KCNIP4: variants seen among roughly 807,000 people sequenced by gnomAD.
KCNIP4 encodes the protein Kv channel-interacting protein 4.
A neutral mutation model predicts 34.0 loss-of-function variants in KCNIP4; 12 were observed. That is an observed-to-expected ratio of 0.35 (90% confidence interval 0.23 to 0.57). The LOEUF (loss-of-function observed/expected upper bound fraction) is 0.57, where lower values mean the gene tolerates loss of function less well. Ranked by LOEUF, KCNIP4 falls within the 20% of genes least tolerant of loss-of-function variation. The probability of loss-of-function intolerance (pLI) is 0.83; values close to 1 mark genes in which losing one functional copy is unlikely to be tolerated. For missense variants in KCNIP4, 238 were observed against 311.7 expected (o/e 0.76, Z 1.78); for synonymous variants, 124 against 102.2 (o/e 1.21, Z -1.29).
intron 1 of KCNIP4, among the ~76,000 whole-genome samples, chr4:21,483,256 A>C (rs1375578242): frequency 4.6e-5 from 7 of 151,796 alleles, no homozygotes; most frequent in African/African-American, 1.7e-4. Context: ...AAGAAATAAA[A>C]GGTTGAACTT....
intron 1 of KCNIP4, among the ~76,000 whole-genome samples, chr4:20,948,500 G>A (rs1417167620): frequency 1.3e-5 from 2 of 152,196 alleles, no homozygotes; most frequent in African/African-American, 4.8e-5. Context: ...CCCACCACAT[G>A]TGGTTGGAGG....
chr4:20,805,327 C>A (rs1011488821), intron 3 of KCNIP4, among the ~76,000 whole-genome samples: 1 of 151,210 alleles, frequency 6.6e-6, no homozygotes, highest in Non-Finnish European at 1.5e-5. Flanking sequence ...TAAGCCACTG[C>A]ACCTTTCTGC....
At chr4:21,239,322 C>A (rs954687212) in intron 1 of KCNIP4, among the ~76,000 whole-genome samples, 13 of 148,698 alleles carry the variant, frequency 8.7e-5, no homozygotes, top group African/African-American at 3.2e-4. Flanking sequence ...TGGGCAAGGA[C>A]TTCATGTCTA....
chr4:21,479,190 A>G (rs1731227376), intron 1 of KCNIP4, among the ~76,000 whole-genome samples: 4 of 152,300 alleles, frequency 2.6e-5, no homozygotes, highest in Admixed American at 2.6e-4. Flanking sequence ...GCCAGAAGAC[A>G]CCTACTATCA....
chr4:20,733,793 G>A (rs1748934215), intron 6 of KCNIP4, among the ~76,000 whole-genome samples: 1 of 152,156 alleles, frequency 6.6e-6, no homozygotes, highest in African/African-American at 2.4e-5. Context: ...ACCCACTAGT[G>A]ATACCTATTC....
At chr4:20,861,765 C>G (rs772911097) in intron 2 of KCNIP4, among the ~76,000 whole-genome samples, 5 of 151,976 alleles carry the variant, frequency 3.3e-5, no homozygotes, top group Admixed American at 6.6e-5. Flanking sequence ...AATTCAATCA[C>G]TTATGAAATA....
Position 21,501,246 on chromosome 4 carries a change from T to TCA in KCNIP4, c.61+447324_61+447325insTG, listed in dbSNP as rs1309846168. Among the ~76,000 whole-genome samples the TCA allele has an allele frequency of 4.8e-3, 453 of 93,494 alleles. 2 individuals carry two copies. The highest frequency in any genetic ancestry group is 0.012 in the Admixed American group (96 of 8,086). 61.3% of individuals were successfully genotyped at this position (93,494 alleles called of 152,430 possible). A position where few individuals can be genotyped will look rare whatever the true frequency, so the allele number is the denominator to read the frequency against. ...CTTTCTCTCTCTCTCTCTCTCTCTC[T>TCA]CTCACACACACACACACACACACAC... On this transcript the variant is annotated intron_variant, in intron 1 of 8. Coordinates refer to ENST00000382152, the MANE Select transcript of KCNIP4 (RefSeq NM_025221.6).
At chr4:20,934,519 T>G (rs531100525) in intron 1 of KCNIP4, among the ~76,000 whole-genome samples, 1 of 152,322 alleles carries the variant, frequency 6.6e-6, no homozygotes, top group African/African-American at 2.4e-5. Flanking sequence ...TTTTTGGGCT[T>G]CCCTTATTTC....
chr4:21,669,984 C>T (rs191359532), intron 1 of KCNIP4, among the ~76,000 whole-genome samples: 158 of 152,170 alleles, frequency 1.0e-3, no homozygotes, highest in East Asian at 1.7e-3. Flanking sequence ...TTCATGACAA[C>T]CTTATTTTAA....
intron 1 of KCNIP4, among the ~76,000 whole-genome samples, chr4:21,586,660 AC>A (rs1741642799): frequency 2.0e-5 from 3 of 152,102 alleles, no homozygotes; most frequent in Non-Finnish European, 4.4e-5. Flanking sequence ...GAAAGAGCAA[AC>A]AAAACTGATA....
intron 1 of KCNIP4, among the ~76,000 whole-genome samples, chr4:21,947,828 G>A (rs183311757): frequency 6.6e-6 from 1 of 152,192 alleles, no homozygotes; most frequent in African/African-American, 2.4e-5. Flanking sequence ...ATAACAAATC[G>A]ATGCAACCCA....
At chr4:20,826,446 A>G (rs1010294732) in intron 3 of KCNIP4, among the ~76,000 whole-genome samples, 1 of 151,536 alleles carries the variant, frequency 6.6e-6, no homozygotes, top group Non-Finnish European at 1.5e-5. Context: ...TTAGCCAGAC[A>G]TGGTGGCACA....
At chr4:21,323,105 C>T (rs1168313269) in intron 1 of KCNIP4, among the ~76,000 whole-genome samples, 6 of 148,498 alleles carry the variant, frequency 4.0e-5, no homozygotes. Context: ...ATGTATGAGT[C>T]AATTATGGCC....
intron 1 of KCNIP4, among the ~76,000 whole-genome samples, chr4:21,601,340 C>A (rs1461903392): frequency 6.6e-6 from 1 of 152,002 alleles, no homozygotes; most frequent in Admixed American, 6.6e-5. Flanking sequence ...TTTACCCCAA[C>A]TAATCTCCAT....
chr4:20,781,461 G>T (rs770760166), intron 3 of KCNIP4, among the ~76,000 whole-genome samples: 10 of 152,236 alleles, frequency 6.6e-5, no homozygotes, highest in Middle Eastern at 3.4e-3. Flanking sequence ...CCCAAGACTG[G>T]GAAGAAAAAG....
intron 1 of KCNIP4, among the ~76,000 whole-genome samples, chr4:21,247,627 A>G (rs890777797): frequency 4.7e-4 from 67 of 143,824 alleles, no homozygotes; most frequent in Non-Finnish European, 9.5e-4. Flanking sequence ...ATATCTATAT[A>G]TTTAGATATA....
At chr4:21,177,237 G>A (rs3864185) in intron 1 of KCNIP4, among the ~76,000 whole-genome samples, 22,172 of 152,042 alleles carry the variant, frequency 0.15, 2,109 homozygotes, top group African/African-American at 0.27. Context: ...AAAGAGATTT[G>A]CTATATACTC....
chr4:21,000,273 G>A (rs1737996666), intron 1 of KCNIP4, among the ~76,000 whole-genome samples: 1 of 151,980 alleles, frequency 6.6e-6, no homozygotes, highest in South Asian at 2.1e-4. Context: ...AGTCGTCTCA[G>A]CCGCTGCCCT....
chr4:21,837,527 G>A (rs1419886933), intron 1 of KCNIP4, among the ~76,000 whole-genome samples: 3 of 19,990 alleles, frequency 1.5e-4, no homozygotes, highest in Non-Finnish European at 2.3e-4. Flanking sequence ...AGAGCAAAAC[G>A]CTGTCAAAAA....
Sources: allele counts gnomAD v4.1 joint callset (sites outside exome capture counted in the v4.1 genomes callset), GRCh38; gene constraint gnomAD v4.1.1; transcripts MANE v1.5; gene names NCBI Gene and HGNC (gene_info 2026-07-23, HGNC 2026-07-21).